The following KCNN3 variants were observed in gnomAD, a reference collection of about 807,000 sequenced individuals.
KCNN3 encodes the protein small conductance calcium-activated potassium channel protein 3.
A neutral mutation model predicts 62.9 loss-of-function variants in KCNN3; 16 were observed. That is an observed-to-expected ratio of 0.25 (90% CI 0.17 to 0.39). The LOEUF is 0.39. Among genes scored for constraint, KCNN3 ranks in the 10% least tolerant of loss-of-function variants. The probability of loss-of-function intolerance (pLI) is 1.00; values close to 1 mark genes in which losing one functional copy is unlikely to be tolerated. For missense variants in KCNN3, 599 were observed against 949.4 expected (o/e 0.63, Z 4.85); for synonymous variants, 370 against 389.2 (o/e 0.95, Z 0.58).
Position 154,702,704 on chromosome 1 carries a change from T to G in KCNN3, c.*5272A>C, listed in dbSNP as rs1458865536. On this transcript the variant is annotated 3_prime_UTR_variant, in exon 8 of 8. Coordinates refer to ENST00000271915, the MANE Select transcript of KCNN3 (RefSeq NM_002249.6). ...TGGCTGCTTCGATCTGATTCAGATATATATATATATATATATATATATATA... is the reference window on the plus strand; with the variant it reads ...TGGCTGCTTCGATCTGATTCAGATAGATATATATATATATATATATATATA... The G allele has an allele frequency of 3.0e-3, 15 of 5,070 alleles. No individual in the cohort carries two copies. The highest frequency in any genetic ancestry group is 0.02 in the African/African-American group (13 of 660). The allele number at this position is 5,070 out of a possible 1,614,324, so 0.3% of individuals were successfully genotyped here. A position where few individuals can be genotyped will look rare whatever the true frequency, so the allele number is the denominator to read the frequency against.
Position 154,825,719 on chromosome 1 carries a change from T to A in KCNN3, c.934-3535A>T, listed in dbSNP as rs537681530. ...TCCTAAATGCCCACAAATTTTCAAGTGGTTAAGTAGATTTGAGATCAGGCA... is the reference window on the plus strand; with the variant it reads ...TCCTAAATGCCCACAAATTTTCAAGAGGTTAAGTAGATTTGAGATCAGGCA... On this transcript the variant is annotated intron_variant, in intron 1 of 7. Transcript: ENST00000271915. 3.3e-5 allele frequency among the ~76,000 whole-genome samples: 5 copies of A among 151,780 alleles called. No individual in the cohort carries two copies. The East Asian group carries it at 9.7e-4, about 29-fold the overall frequency.
At chr1:154,852,196 T>C (rs1157407233) in intron 1 of KCNN3, among the ~76,000 whole-genome samples, 1 of 145,170 alleles carries the variant, frequency 6.9e-6, no homozygotes, top group Non-Finnish European at 1.5e-5. Flanking sequence ...ACAACTTGAG[T>C]GTGTGAATCT....
chr1:154,837,294 ATTTTTTGTGTTTTTCT>A (rs1038691726), intron 1 of KCNN3, among the ~76,000 whole-genome samples: 21 of 151,604 alleles, frequency 1.4e-4, no homozygotes, highest in Non-Finnish European at 2.8e-4. Flanking sequence ...TTTGTTTTTC[ATTTTTTGTGTTTTTCT>A]TTTTTTTGCA....
At chr1:154,722,786 C>A (rs187501196) in intron 5 of KCNN3, among the ~76,000 whole-genome samples, 2 of 150,016 alleles carry the variant, frequency 1.3e-5, no homozygotes, top group African/African-American at 4.9e-5. Flanking sequence ...GGCTGGAGTG[C>A]AGTGGTGGGA....
intron 7 of KCNN3, among the ~76,000 whole-genome samples, chr1:154,710,996 T>C (rs1700062170): frequency 1.3e-5 from 2 of 152,188 alleles, no homozygotes; most frequent in African/African-American, 4.8e-5. Context: ...TTACTGGGTA[T>C]ATACCCAGAG....
chr1:154,838,101 C>A (rs928402653), intron 1 of KCNN3, among the ~76,000 whole-genome samples: 3 of 152,114 alleles, frequency 2.0e-5, no homozygotes, highest in Non-Finnish European at 2.9e-5. Flanking sequence ...AGGGGTCAGG[C>A]GGCCAGAGGT....
intron 1 of KCNN3, among the ~76,000 whole-genome samples, chr1:154,842,639 C>A (rs903443629): frequency 3.5e-4 from 11 of 31,546 alleles, no homozygotes; most frequent in African/African-American, 1.3e-3. Flanking sequence ...ACCCCCCCCC[C>A]GCCACCACCT....
chr1:154,837,915 G>C (rs1014733624), intron 1 of KCNN3, among the ~76,000 whole-genome samples: 1 of 152,226 alleles, frequency 6.6e-6, no homozygotes, highest in Non-Finnish European at 1.5e-5. Context: ...GCTGTGTGCC[G>C]TGGGGAGCCA....
At chr1:154,850,235 C>G (rs938419377) in intron 1 of KCNN3, among the ~76,000 whole-genome samples, 1 of 152,210 alleles carries the variant, frequency 6.6e-6, no homozygotes, top group Non-Finnish European at 1.5e-5. Flanking sequence ...TCACAAAACT[C>G]CTCCAAGGCA....
At chr1:154,775,833 G>A (rs1460979260) in intron 2 of KCNN3, among the ~76,000 whole-genome samples, 1 of 152,140 alleles carries the variant, frequency 6.6e-6, no homozygotes, top group African/African-American at 2.4e-5. Context: ...ACTGCCGCCC[G>A]ACAGGCCAAG....
intron 3 of KCNN3, among the ~76,000 whole-genome samples, chr1:154,764,067 A>G (rs556838847): frequency 6.6e-6 from 1 of 152,224 alleles, no homozygotes; most frequent in African/African-American, 2.4e-5. Flanking sequence ...TTTGCTCTTC[A>G]TTTATTTTTG....
At chr1:154,711,656 C>T (rs1357447366) in intron 7 of KCNN3, among the ~76,000 whole-genome samples, 2 of 152,126 alleles carry the variant, frequency 1.3e-5, no homozygotes, top group African/African-American at 2.4e-5. Flanking sequence ...CTGAAGCTCA[C>T]AGGTGGGCCC....
intron 1 of KCNN3, among the ~76,000 whole-genome samples, chr1:154,851,338 T>C (rs1652292358): frequency 6.6e-6 from 1 of 152,126 alleles, no homozygotes; most frequent in East Asian, 1.9e-4. Flanking sequence ...AGAGGAGCCA[T>C]CTGTTCTGGG....
intron 1 of KCNN3, chr1:154,859,760 G>A (rs543148179): frequency 2.7e-5 from 43 of 1,614,146 alleles, no homozygotes; most frequent in East Asian, 6.7e-5. Context: ...CAGATGTCGC[G>A]TGGCAGGCCT....
At chr1:154,721,580 C>T (rs906745305) in intron 5 of KCNN3, among the ~76,000 whole-genome samples, 2 of 152,062 alleles carry the variant, frequency 1.3e-5, no homozygotes, top group Non-Finnish European at 2.9e-5. Context: ...GGATTACAGG[C>T]GTGAGCCACC....
chr1:154,725,541 C>CTT lies in KCNN3; in HGVS notation c.1701+374_1701+375insAA, dbSNP rs1469623692. On this transcript the variant is annotated intron_variant, in intron 5 of 7. Transcript: ENST00000271915. ...GACATGACCATTTGCTTCCTTCCTTCCTTCTTTTTTTTTTTTTTTTGAGAT... is the reference window on the plus strand; with the variant it reads ...GACATGACCATTTGCTTCCTTCCTTCTTCTTCTTTTTTTTTTTTTTTTGAGAT... Among the ~76,000 whole-genome samples, 21 of 4,896 alleles carry CTT rather than the reference C, an allele frequency of 4.3e-3. 9 individuals are homozygous for CTT. The highest frequency in any genetic ancestry group is 5.7e-3 in the Non-Finnish European group (10 of 1,746). 3.2% of individuals were successfully genotyped at this position (4,896 alleles called of 152,430 possible). A position where few individuals can be genotyped will look rare whatever the true frequency, so the allele number is the denominator to read the frequency against.
intron 3 of KCNN3, among the ~76,000 whole-genome samples, chr1:154,734,999 T>G (rs1248341936): frequency 6.6e-6 from 1 of 152,136 alleles, no homozygotes; most frequent in Non-Finnish European, 1.5e-5. Flanking sequence ...CCAGGGGGCT[T>G]CAGAGACCAG....
At chr1:154,795,437 G>T (rs1351164425) in intron 2 of KCNN3, among the ~76,000 whole-genome samples, 1 of 152,184 alleles carries the variant, frequency 6.6e-6, no homozygotes, top group Admixed American at 6.5e-5. Context: ...ACGTGGTAAG[G>T]CTTCTCTGAA....
chr1:154,743,303 C>T (rs1380176741), intron 3 of KCNN3, among the ~76,000 whole-genome samples: 1 of 152,226 alleles, frequency 6.6e-6, no homozygotes, highest in Non-Finnish European at 1.5e-5. Flanking sequence ...CCTGCTTCTG[C>T]CTGGGCGACG....
Sources: allele counts gnomAD v4.1 joint callset (sites outside exome capture counted in the v4.1 genomes callset), GRCh38; gene constraint gnomAD v4.1.1; transcripts MANE v1.5; gene names NCBI Gene and HGNC (gene_info 2026-07-23, HGNC 2026-07-21).